PIP5K1B: variants seen among roughly 807,000 people sequenced by gnomAD.
The protein encoded by PIP5K1B is phosphatidylinositol 4-phosphate 5-kinase type-1 beta.
Under a neutral mutation model 67.0 loss-of-function variants are expected in PIP5K1B, and 42 were observed. That is an observed-to-expected ratio of 0.63 (90% confidence interval 0.49 to 0.81). The LOEUF is 0.81. Among genes scored for constraint, PIP5K1B ranks in the 30% least tolerant of loss-of-function variants. The pLI, the probability that PIP5K1B is intolerant of heterozygous loss-of-function variation, is 0.00. For missense variants in PIP5K1B, 459 were observed against 646.3 expected, an observed-to-expected ratio of 0.71 and a Z score of 3.14; for synonymous variants, 214 against 231.4, an observed-to-expected ratio of 0.92 and a Z score of 0.68.
intron 2 of PIP5K1B, among the ~76,000 whole-genome samples, chr9:68,779,587 C>G (rs906776934): frequency 6.6e-6 from 1 of 152,200 alleles, no homozygotes; most frequent in African/African-American, 2.4e-5. Context: ...CACCACCTCA[C>G]GTCAGGCCAG....
intron 1 of PIP5K1B, among the ~76,000 whole-genome samples, chr9:68,714,309 A>G (rs1827532088): frequency 6.6e-6 from 1 of 152,128 alleles, no homozygotes; most frequent in African/African-American, 2.4e-5. Context: ...ACGATCAGAA[A>G]CTTGGGAGCC....
chr9:68,843,490 C>T (rs1449269017), intron 4 of PIP5K1B, among the ~76,000 whole-genome samples: 1 of 152,194 alleles, frequency 6.6e-6, no homozygotes, highest in East Asian at 1.9e-4. Flanking sequence ...GGGATACAGA[C>T]ACAAGTATTT....
chr9:68,736,771 T>TTGG (rs2132304911), intron 1 of PIP5K1B, among the ~76,000 whole-genome samples: 1 of 152,360 alleles, frequency 6.6e-6, no homozygotes, highest in African/African-American at 2.4e-5. Context: ...TGTTATTACT[T>TTGG]TGGGTGCATT....
At chr9:68,722,144 C>T (rs1827919078) in intron 1 of PIP5K1B, among the ~76,000 whole-genome samples, 1 of 152,152 alleles carries the variant, frequency 6.6e-6, no homozygotes, top group Non-Finnish European at 1.5e-5. Context: ...GTCCTGACAG[C>T]AGGGATCATA....
chr9:68,941,259 C>A (rs1827548225), intron 14 of PIP5K1B, among the ~76,000 whole-genome samples: 1 of 152,074 alleles, frequency 6.6e-6, no homozygotes, highest in Non-Finnish European at 1.5e-5. Flanking sequence ...CCTTATATGG[C>A]AAAAGGGACT....
At chr9:68,757,811 G>T (rs576472847) in intron 2 of PIP5K1B, among the ~76,000 whole-genome samples, 9 of 152,252 alleles carry the variant, frequency 5.9e-5, no homozygotes, top group South Asian at 2.1e-4. Flanking sequence ...GAAGATTCCA[G>T]TTCCAGATAA....
intron 1 of PIP5K1B, among the ~76,000 whole-genome samples, chr9:68,709,686 C>T (rs143394543): frequency 0.018 from 2,786 of 152,116 alleles, 15 homozygotes; most frequent in Non-Finnish European, 0.025. Flanking sequence ...CCGAGGTGGG[C>T]GAATCACTTG....
chr9:68,884,656 C>A (rs1419156791), intron 6 of PIP5K1B, among the ~76,000 whole-genome samples: 2 of 124,298 alleles, frequency 1.6e-5, no homozygotes, highest in African/African-American at 3.5e-5. Flanking sequence ...CAGAGCAGGA[C>A]CTTGTCTTTA....
chr9:68,925,837 A>G (rs1453807443), intron 12 of PIP5K1B, among the ~76,000 whole-genome samples: 6 of 83,830 alleles, frequency 7.2e-5, no homozygotes, highest in Non-Finnish European at 8.0e-5. Context: ...TCACTCTACC[A>G]CTCAGGCTGC....
chr9:68,715,418 C>G (rs1028195267), intron 1 of PIP5K1B, among the ~76,000 whole-genome samples: 4 of 152,182 alleles, frequency 2.6e-5, no homozygotes, highest in African/African-American at 7.2e-5. Flanking sequence ...GCCACACTTG[C>G]AACTGCCAGC....
At chr9:68,926,954 C>T (rs1293870571) in intron 12 of PIP5K1B, among the ~76,000 whole-genome samples, 2 of 152,174 alleles carry the variant, frequency 1.3e-5, no homozygotes, top group Non-Finnish European at 2.9e-5. Context: ...GTCCTCTTCC[C>T]AGCCCCTGGC....
chr9:68,964,689 T>C (rs1828929096), intron 14 of PIP5K1B, among the ~76,000 whole-genome samples: 1 of 152,170 alleles, frequency 6.6e-6, no homozygotes, highest in Non-Finnish European at 1.5e-5. Context: ...AAAGAAGAAA[T>C]AGGCTACCCT....
intron 15 of PIP5K1B, among the ~76,000 whole-genome samples, chr9:69,008,208 A>G (rs910972180): frequency 6.6e-5 from 10 of 152,212 alleles, no homozygotes; most frequent in African/African-American, 2.2e-4. Flanking sequence ...TCCCGAGCAC[A>G]GTGCTGTGAT....
At chr9:68,718,450 GT>G (rs1374835248) in intron 1 of PIP5K1B, among the ~76,000 whole-genome samples, 2 of 152,190 alleles carry the variant, frequency 1.3e-5, no homozygotes, top group Admixed American at 6.5e-5. Context: ...TGACGGTGTA[GT>G]TTTTTTCTTC....
At chr9:68,764,304 C>T (rs1830328909) in intron 2 of PIP5K1B, among the ~76,000 whole-genome samples, 1 of 151,868 alleles carries the variant, frequency 6.6e-6, no homozygotes, top group African/African-American at 2.4e-5. Context: ...TCAGTTCAAC[C>T]CATCCACTGT....
At chr9:68,945,694 T>G (rs1587703526) in intron 14 of PIP5K1B, among the ~76,000 whole-genome samples, 1 of 152,236 alleles carries the variant, frequency 6.6e-6, no homozygotes, top group East Asian at 1.9e-4. Context: ...ATTTACGGTC[T>G]CCATCTTACA....
intron 12 of PIP5K1B, among the ~76,000 whole-genome samples, chr9:68,932,327 A>T (rs1827045300): frequency 1.3e-5 from 2 of 152,188 alleles, no homozygotes; most frequent in South Asian, 4.1e-4. Flanking sequence ...ACCCTTAAAA[A>T]TTATTGAGGA....
intron 8 of PIP5K1B, among the ~76,000 whole-genome samples, chr9:68,911,776 G>A (rs564706199): frequency 5.9e-5 from 9 of 152,262 alleles, no homozygotes; most frequent in Admixed American, 1.3e-4. Flanking sequence ...CCAGCCACTC[G>A]GGAGGCTGAG....
Position 68,935,055 on chromosome 9 carries a change from T to C in PIP5K1B, c.1357+10T>C. 6.2e-7 allele frequency: 1 copy of C among 1,606,582 alleles called. No individual in the cohort carries two copies. The highest frequency in any genetic ancestry group is 8.5e-7 in the Non-Finnish European group (1 of 1,177,048). On this transcript the variant is annotated intron_variant, in intron 13 of 15. Coordinates refer to ENST00000265382, the MANE Select transcript of PIP5K1B (RefSeq NM_003558.4). Reference sequence around the variant, plus strand: ...AGCCTTGATGAAGAAGGTAAAGATATGTAACTTTTTTAAAAAGACAAACGT... The same window carrying C: ...AGCCTTGATGAAGAAGGTAAAGATACGTAACTTTTTTAAAAAGACAAACGT...
Sources: allele counts gnomAD v4.1 joint callset (sites outside exome capture counted in the v4.1 genomes callset), GRCh38; gene constraint gnomAD v4.1.1; transcripts MANE v1.5; gene names NCBI Gene and HGNC (gene_info 2026-07-23, HGNC 2026-07-21).